Variants in CNTN4 observed in about 807,000 individuals in gnomAD.
CNTN4 encodes the protein contactin-4.
A neutral mutation model predicts 122.5 loss-of-function variants in CNTN4; 77 were observed. The observed-to-expected ratio is 0.63, with a 90% CI of 0.52 to 0.76. The LOEUF is 0.76. Ranked by LOEUF, CNTN4 falls within the 30% of genes least tolerant of loss-of-function variation. CNTN4 has a pLI of 0.00. For missense variants in CNTN4, 1,256 were observed against 1,259.1 expected (o/e 1.00, Z 0.04); for synonymous variants, 512 against 447.0 (o/e 1.15, Z -1.83).
chr3:2,505,770 G>C (rs2076714853), intron 3 of CNTN4, among the ~76,000 whole-genome samples: 1 of 152,132 alleles, frequency 6.6e-6, no homozygotes, highest in Non-Finnish European at 1.5e-5. Flanking sequence ...GTGAATTTAG[G>C]CAGAGGTTTC....
At chr3:3,001,477 T>A (rs907346387) in intron 14 of CNTN4, among the ~76,000 whole-genome samples, 1 of 152,212 alleles carries the variant, frequency 6.6e-6, no homozygotes, top group African/African-American at 2.4e-5. Flanking sequence ...TACAAACTGG[T>A]AGCTCTCATG....
intron 8 of CNTN4, among the ~76,000 whole-genome samples, chr3:2,871,270 A>G (rs566749499): frequency 1.4e-4 from 21 of 152,366 alleles, no homozygotes; most frequent in Admixed American, 6.5e-4. Context: ...AGTACTTTGA[A>G]CAGTGACAAA....
chr3:2,678,660 A>G (rs543592100), intron 4 of CNTN4, among the ~76,000 whole-genome samples: 1 of 152,338 alleles, frequency 6.6e-6, no homozygotes, highest in East Asian at 1.9e-4. Context: ...AGGATTCCTC[A>G]GGCCATCTTT....
intron 3 of CNTN4, among the ~76,000 whole-genome samples, chr3:2,417,647 G>T (rs2047464692): frequency 6.6e-6 from 1 of 152,178 alleles, no homozygotes; most frequent in Admixed American, 6.5e-5. Flanking sequence ...CCCGAAGGAG[G>T]TGAAAACTTA....
At chr3:2,243,801 G>C (rs1017735483) in intron 2 of CNTN4, among the ~76,000 whole-genome samples, 8 of 152,008 alleles carry the variant, frequency 5.3e-5, no homozygotes, top group African/African-American at 1.9e-4. Context: ...TCATTGTTCA[G>C]ACTCGCATTT....
rs555704928 is a variant in CNTN4 at position 2,480,110 on chromosome 3, C to T, written c.-88-91306C>T. Reference sequence around the variant, plus strand: ...TCTCTGCAAACTAAGAATAGAGAAGCGCTTCCTCAACTTTGATAAAGAATA... The same window carrying T: ...TCTCTGCAAACTAAGAATAGAGAAGTGCTTCCTCAACTTTGATAAAGAATA... On this transcript the variant is annotated intron_variant, in intron 3 of 24. Coordinates refer to ENST00000418658, the MANE Select transcript of CNTN4 (RefSeq NM_175607.3). Among the ~76,000 whole-genome samples, 61 of 150,586 alleles carry T rather than the reference C, an allele frequency of 4.1e-4. No homozygotes were observed. In the South Asian group the frequency reaches 8.4e-3, roughly 21 times the overall value.
chr3:2,220,915 A>C (rs533456744), intron 2 of CNTN4, among the ~76,000 whole-genome samples: 6 of 152,222 alleles, frequency 3.9e-5, no homozygotes, highest in African/African-American at 1.4e-4. Flanking sequence ...ATCAGAAAAA[A>C]GGTAGAGAAG....
intron 2 of CNTN4, among the ~76,000 whole-genome samples, chr3:2,254,252 G>A (rs1435579901): frequency 6.6e-6 from 1 of 152,014 alleles, no homozygotes; most frequent in Non-Finnish European, 1.5e-5. Context: ...AGTATTCCAT[G>A]GTGTATATGT....
intron 3 of CNTN4, among the ~76,000 whole-genome samples, chr3:2,540,585 T>G (rs1559210080): frequency 6.6e-6 from 1 of 152,210 alleles, no homozygotes; most frequent in East Asian, 1.9e-4. Context: ...TCAGTATGAT[T>G]TATTCATTGT....
At chr3:2,523,028 C>T (rs2077275037) in intron 3 of CNTN4, among the ~76,000 whole-genome samples, 1 of 152,036 alleles carries the variant, frequency 6.6e-6, no homozygotes, top group African/African-American at 2.4e-5. Context: ...CTTTGCCTGA[C>T]ATCTGAGTCT....
intron 4 of CNTN4, among the ~76,000 whole-genome samples, chr3:2,694,175 C>T (rs1231833746): frequency 6.6e-6 from 1 of 152,188 alleles, no homozygotes; most frequent in African/African-American, 2.4e-5. Flanking sequence ...GTCTTTCCCC[C>T]TGCCCATCAG....
intron 3 of CNTN4, among the ~76,000 whole-genome samples, chr3:2,438,920 ATTC>A (rs2048342888): frequency 6.6e-6 from 1 of 152,198 alleles, no homozygotes; most frequent in South Asian, 2.1e-4. Flanking sequence ...TGTATCTTCA[ATTC>A]TACTTTTTAG....
chr3:2,564,545 T>C (rs1015530273), intron 3 of CNTN4, among the ~76,000 whole-genome samples: 3 of 152,152 alleles, frequency 2.0e-5, no homozygotes, highest in African/African-American at 7.2e-5. Context: ...TATAGAATAA[T>C]GTAATTCAAA....
chr3:2,630,192 T>G (rs974014864), intron 4 of CNTN4, among the ~76,000 whole-genome samples: 5 of 152,202 alleles, frequency 3.3e-5, no homozygotes, highest in African/African-American at 1.2e-4. Context: ...CTCAGCACTT[T>G]GGGAGGCCAA....
chr3:3,036,534 G>A (rs1015952131), intron 17 of CNTN4, among the ~76,000 whole-genome samples: 23 of 152,052 alleles, frequency 1.5e-4, no homozygotes, highest in African/African-American at 4.6e-4. Flanking sequence ...AGGCCAAGGC[G>A]GGTGGATCGC....
intron 13 of CNTN4, among the ~76,000 whole-genome samples, chr3:2,962,181 C>T (rs2094867715): frequency 6.6e-6 from 1 of 152,146 alleles, no homozygotes; most frequent in East Asian, 1.9e-4. Flanking sequence ...AAAGACACTC[C>T]CAGTAATAGA....
chr3:2,611,576 T>A (rs1052076681), intron 4 of CNTN4, among the ~76,000 whole-genome samples: 6 of 152,136 alleles, frequency 3.9e-5, no homozygotes, highest in Non-Finnish European at 7.4e-5. Context: ...CTTAGATACG[T>A]TCACACCATT....
intron 6 of CNTN4, among the ~76,000 whole-genome samples, chr3:2,802,088 T>C (rs1349653221): frequency 1.3e-5 from 2 of 152,228 alleles, no homozygotes; most frequent in Admixed American, 6.5e-5. Context: ...AAATTATTAT[T>C]GTTACCATCA....
chr3:2,240,264 A>G (rs1251630055), intron 2 of CNTN4, among the ~76,000 whole-genome samples: 1 of 152,146 alleles, frequency 6.6e-6, no homozygotes, highest in African/African-American at 2.4e-5. Flanking sequence ...CATTTGAGAT[A>G]TGTTTTCTTT....
Sources: gnomAD v4.1 joint callset for allele counts (sites outside exome capture counted in the v4.1 genomes callset) on GRCh38, gnomAD v4.1.1 for gene constraint, MANE v1.5 for transcripts, NCBI Gene and HGNC (gene_info 2026-07-23, HGNC 2026-07-21) for gene names.